PDAP1: variants seen among roughly 807,000 people sequenced by gnomAD.
PDAP1 encodes PDGFA associated protein 1.
Under a neutral mutation model 28.0 loss-of-function variants are expected in PDAP1, and 13 were observed. The ratio of observed to expected loss-of-function variants is 0.46; its 90% CI spans 0.30 to 0.74. The LOEUF (loss-of-function observed/expected upper bound fraction) is 0.74, where lower values mean the gene tolerates loss of function less well. Ranked by LOEUF, PDAP1 falls within the 30% of genes least tolerant of loss-of-function variation. The pLI, the probability that PDAP1 is intolerant of heterozygous loss-of-function variation, is 0.07. For missense variants in PDAP1, 150 were observed against 230.0 expected, an observed-to-expected ratio of 0.65 and a Z score of 2.25; for synonymous variants, 77 against 85.1, an observed-to-expected ratio of 0.91 and a Z score of 0.52.
chr7:99,397,735 ACCT>A, intron 5 of PDAP1, 124 bp downstream of exon 5: 1 of 1,176,384 alleles, frequency 8.5e-7, no homozygotes, highest in Non-Finnish European at 1.2e-6. Context: ...CTCCTGAACG[ACCT>A]CCTAGGCAGC....
At position 99,394,926 on chromosome 7, in the gene PDAP1, T is replaced by C. The variant is rs1200967193; in HGVS notation, c.*1756A>G. ...AATCCTTCTGCCTCAGCCTCCCAAGTAGCTGGGACTCCAGGGAGAGATTGG... is the reference window on the plus strand; with the variant it reads ...AATCCTTCTGCCTCAGCCTCCCAAGCAGCTGGGACTCCAGGGAGAGATTGG... On this transcript the variant is annotated 3_prime_UTR_variant, in exon 6 of 6. Transcript: ENST00000350498. The C allele has an allele frequency of 1.1e-5, 8 of 758,768 alleles. No homozygotes were observed. The highest frequency in any genetic ancestry group is 1.2e-5 in the Non-Finnish European group (7 of 571,934). 47.0% of individuals were successfully genotyped at this position (758,768 alleles called of 1,614,324 possible).
At chr7:99,400,592 A>G (rs1156458984) in intron 3 of PDAP1, among the ~76,000 whole-genome samples, 168 bp from the exon 4 acceptor site, 1 of 152,188 alleles carries the variant, frequency 6.6e-6, no homozygotes, top group Non-Finnish European at 1.5e-5. Context: ...TCTCTGGAGC[A>G]TCTTCATCAG....
rs760481476 is a variant in PDAP1 at position 99,403,395 on chromosome 7, T to C, written c.213+3A>G. Reference sequence around the variant, plus strand: ...GCTCTAGGCCCTCAAAAGAACTCAGTACCTGGTAGTCATCTTCTTCATCCT... The same window carrying C: ...GCTCTAGGCCCTCAAAAGAACTCAGCACCTGGTAGTCATCTTCTTCATCCT... On this transcript the variant is annotated splice_donor_region_variant and intron_variant, in intron 3 of 5. Coordinates refer to ENST00000350498, the MANE Select transcript of PDAP1 (RefSeq NM_014891.7). 3 of 1,566,078 alleles carry C rather than the reference T, an allele frequency of 1.9e-6. No individual in the cohort carries two copies. Among genetic ancestry groups the C allele is most frequent in the Non-Finnish European group, 2.6e-6 (3 of 1,136,116 alleles).
intron 1 of PDAP1, among the ~76,000 whole-genome samples, chr7:99,405,584 G>C (rs1163889976): frequency 6.6e-6 from 1 of 151,726 alleles, no homozygotes; most frequent in Non-Finnish European, 1.5e-5. Flanking sequence ...GAATGGTCTT[G>C]ATCTCTTGAC....
rs1794962381 is a variant in PDAP1, at chr7:99,405,878, G to C, written c.14-925C>G. ...CTCATCTGTGTCCCTACCTTACAGG[G>C]TTGTCACAAAGATAGATGAATTAAT... On this transcript the variant is annotated intron_variant, in intron 1 of 5. Coordinates refer to ENST00000350498, the MANE Select transcript of PDAP1 (RefSeq NM_014891.7). 2.0e-5 allele frequency among the ~76,000 whole-genome samples: 3 copies of C among 152,284 alleles called. No individual in the cohort carries two copies. In the South Asian group the frequency reaches 6.2e-4, roughly 32 times the overall value.
intron 4 of PDAP1, among the ~76,000 whole-genome samples, chr7:99,398,227 G>A (rs141238922): frequency 1.3e-5 from 2 of 152,372 alleles, no homozygotes; most frequent in East Asian, 3.9e-4. Flanking sequence ...CATCTGCGAT[G>A]TCCAGAAAGC....
Position 99,396,690 on chromosome 7 carries a change from T to A in PDAP1, c.538A>T (p.Asn180Tyr). ...SGKRMQSLSL[N>Y]K ...CCTCCCACGGGTCGCAGTTACTTAT[T>A]CAGGGAGAGTGACTGCATTCGTTTT... Residue 180 changes from asparagine to tyrosine, a missense_variant, in exon 6 of 6, where the codon AAT (asparagine) becomes TAT (tyrosine). By Grantham distance (143) the Asn-to-Tyr change is moderately radical (BLOSUM62 -2). Coordinates refer to ENST00000350498, the MANE Select transcript of PDAP1 (RefSeq NM_014891.7). 1.2e-6 allele frequency: 2 copies of A among 1,611,734 alleles called. No individual in the cohort carries two copies. Among genetic ancestry groups the A allele is most frequent in the Non-Finnish European group, 1.7e-6 (2 of 1,179,548 alleles).
rs761802473 is a variant in PDAP1, at chr7:99,403,494, C to T, written c.117G>A (p.Glu39=). 1.9e-6 allele frequency: 3 copies of T among 1,608,336 alleles called. No homozygotes were observed. Among genetic ancestry groups the T allele is most frequent in the Non-Finnish European group, 2.6e-6 (3 of 1,174,756 alleles). Residue 39 remains glutamate, a synonymous_variant, in exon 3 of 6, where the codon GAG becomes GAA. Coordinates refer to ENST00000350498, the MANE Select transcript of PDAP1 (RefSeq NM_014891.7). ...AEKQKAREEE[E]QKEGGDGAAG... is the part of the protein sequence containing the mutation. Reference sequence around the variant, plus strand: ...CAGCCCCATCTCCACCTTCTTTTTGCTCCTCTTCTTCCTGTTTCAGAAATG... The same window carrying T: ...CAGCCCCATCTCCACCTTCTTTTTGTTCCTCTTCTTCCTGTTTCAGAAATG...
intron 5 of PDAP1, among the ~76,000 whole-genome samples, chr7:99,397,346 G>A (rs959278099): frequency 6.6e-6 from 1 of 152,126 alleles, no homozygotes; most frequent in Admixed American, 6.5e-5. Context: ...TAGCCACTCT[G>A]GCCTAGAGGA....
chr7:99,400,508 A>C (rs1794844011), intron 3 of PDAP1, 84 bp from the exon 4 acceptor site: 1 of 1,533,238 alleles, frequency 6.5e-7, no homozygotes, highest in African/African-American at 1.4e-5. Context: ...TCAACAGCCC[A>C]TCTGGATGAG....
intron 2 of PDAP1, 110 bp downstream of exon 2, chr7:99,404,752 G>T: frequency 2.6e-6 from 2 of 764,530 alleles, no homozygotes; most frequent in Non-Finnish European, 4.3e-6. Context: ...CGACCCCCAC[G>T]TGCTGGCTTG....
chr7:99,405,617 C>CTTT (rs2150907867), intron 1 of PDAP1, among the ~76,000 whole-genome samples: 1 of 151,942 alleles, frequency 6.6e-6, no homozygotes, highest in East Asian at 2.0e-4. Context: ...CCACCTCAGC[C>CTTT]TCCCAAAGTG....
Position 99,394,860 on chromosome 7 carries a change from T to A in PDAP1, c.*1822A>T. ...GAGGTTTTTTGTTATTTCCTTGGGGTCTTGCTAAGTTTTCCAGGCTGCACT... is the reference window on the plus strand; with the variant it reads ...GAGGTTTTTTGTTATTTCCTTGGGGACTTGCTAAGTTTTCCAGGCTGCACT... On this transcript the variant is annotated 3_prime_UTR_variant, in exon 6 of 6. Coordinates refer to ENST00000350498, the MANE Select transcript of PDAP1 (RefSeq NM_014891.7). 1 of 1,214,620 alleles carries A rather than the reference T, an allele frequency of 8.2e-7. No homozygotes were observed. The highest frequency in any genetic ancestry group is 1.0e-6 in the Non-Finnish European group (1 of 973,478). The allele number at this position is 1,214,620 out of a possible 1,614,324, so 75.2% of individuals were successfully genotyped here. A position where few individuals can be genotyped will look rare whatever the true frequency, so the allele number is the denominator to read the frequency against.
Position 99,396,643 on chromosome 7 carries a change from G to A in PDAP1, c.*39C>T, listed in dbSNP as rs747771454. On this transcript the variant is annotated 3_prime_UTR_variant, in exon 6 of 6. Coordinates refer to ENST00000350498, the MANE Select transcript of PDAP1 (RefSeq NM_014891.7). Reference sequence around the variant, plus strand: ...GAGACACAGCAGAGGTCCTGGCAGCGCGGCCCAGGTCCCCGGCATCTCCTC... The same window carrying A: ...GAGACACAGCAGAGGTCCTGGCAGCACGGCCCAGGTCCCCGGCATCTCCTC... 7.7e-6 allele frequency: 12 copies of A among 1,558,164 alleles called. No homozygotes were observed. In the Admixed American group the frequency reaches 8.3e-5, roughly 11 times the overall value.
intron 3 of PDAP1, among the ~76,000 whole-genome samples, chr7:99,401,436 C>T (rs1388051082): frequency 6.6e-6 from 1 of 152,110 alleles, no homozygotes; most frequent in Admixed American, 6.6e-5. Flanking sequence ...TCAAGCAATT[C>T]TCCTGCCTCA....
At position 99,394,848 on chromosome 7, in the gene PDAP1, A is replaced by G; in HGVS notation, c.*1834T>C. The G allele has an allele frequency of 8.1e-7, 1 of 1,230,984 alleles. No homozygotes were observed. Among genetic ancestry groups the G allele is most frequent in the Middle Eastern group, 3.1e-4 (1 of 3,206 alleles). 76.3% of individuals were successfully genotyped at this position (1,230,984 alleles called of 1,614,324 possible). On this transcript the variant is annotated 3_prime_UTR_variant, in exon 6 of 6. Coordinates refer to ENST00000350498, the MANE Select transcript of PDAP1 (RefSeq NM_014891.7). ...TATGTGGAAGGAGAGGTTTTTTGTT[A>G]TTTCCTTGGGGTCTTGCTAAGTTTT... is the stretch of plus-strand genomic sequence containing the variant.
At chr7:99,402,248 AG>A (rs1414067934) in intron 3 of PDAP1, among the ~76,000 whole-genome samples, 1 of 148,810 alleles carries the variant, frequency 6.7e-6, no homozygotes, top group African/African-American at 2.5e-5. Flanking sequence ...AAAAAAAAAA[AG>A]CATATCTGGT....
At chr7:99,405,656 C>G (rs1381507915) in intron 1 of PDAP1, among the ~76,000 whole-genome samples, 2 of 149,894 alleles carry the variant, frequency 1.3e-5, no homozygotes, top group African/African-American at 4.9e-5. Context: ...GCCACCGCGC[C>G]CAGCCAGCCA....
rs1249634507 is a variant in PDAP1 at position 99,396,290 on chromosome 7, G to T, written c.*392C>A. 2 of 332,366 alleles carry T rather than the reference G, an allele frequency of 6.0e-6. No homozygotes were observed. Among genetic ancestry groups the T allele is most frequent in the African/African-American group, 4.4e-5 (2 of 45,300 alleles). 20.6% of individuals were successfully genotyped at this position (332,366 alleles called of 1,614,324 possible). A position where few individuals can be genotyped will look rare whatever the true frequency, so the allele number is the denominator to read the frequency against. On this transcript the variant is annotated 3_prime_UTR_variant, in exon 6 of 6. Transcript: ENST00000350498. ...CAGGCAACACAGTCCGGGGCTGTGT[G>T]TAGCAAACCTGTCAGCAGCTGCCTC...
Sources: gnomAD v4.1 joint callset for allele counts (sites outside exome capture counted in the v4.1 genomes callset) on GRCh38, gnomAD v4.1.1 for gene constraint, MANE v1.5 for transcripts, NCBI Gene and HGNC (gene_info 2026-07-23, HGNC 2026-07-21) for gene names.